Variants in NHSL1 observed in about 807,000 individuals in gnomAD.
NHSL1 encodes the protein NHS-like protein 1.
NHSL1 carries 48 observed loss-of-function variants against 95.0 expected under a neutral mutation model. The ratio of observed to expected loss-of-function variants is 0.51; its 90% confidence interval spans 0.40 to 0.64. NHSL1 has a LOEUF of 0.64. NHSL1 is among the 30% of genes least tolerant of loss of function. The pLI, the probability that NHSL1 is intolerant of heterozygous loss-of-function variation, is 0.00. For missense variants in NHSL1, 1,971 were observed against 2,077.7 expected, an observed-to-expected ratio of 0.95 and a Z score of 1.00; for synonymous variants, 783 against 833.9, an observed-to-expected ratio of 0.94 and a Z score of 1.05.
intron 1 of NHSL1, among the ~76,000 whole-genome samples, chr6:138,542,630 G>GCACTAAA (rs1782627177): frequency 6.6e-6 from 1 of 152,198 alleles, no homozygotes; most frequent in Non-Finnish European, 1.5e-5. Flanking sequence ...GCACTGCAAA[G>GCACTAAA]ATAATTAGTA....
chr6:138,433,360 CA>C lies in NHSL1; in HGVS notation c.984del (p.Gly329GlufsTer22), dbSNP rs1169373331. The C allele has an allele frequency of 6.4e-7, 1 of 1,552,208 alleles. No individual in the cohort carries two copies. On this transcript the variant is annotated frameshift_variant, in exon 6 of 8. Coordinates refer to ENST00000343505, the MANE Select transcript of NHSL1 (RefSeq NM_001144060.2). LOFTEE classifies it high-confidence loss of function. ...AGGGACTGAATGTTTGCCCTTGCTC[CA>C]GAACGCGGAAGACTATGGAAGCCAG... ...SDAGFHSLPR[S>X]GARANIQSLE...
chr6:138,649,999 C>A (rs1248573562), intron 1 of NHSL1, among the ~76,000 whole-genome samples: 5 of 152,196 alleles, frequency 3.3e-5, no homozygotes, highest in Admixed American at 3.3e-4. Flanking sequence ...TTCTCCCAAC[C>A]TTTCCCAGGT....
At chr6:138,437,389 CAT>C (rs71547091) in intron 5 of NHSL1, among the ~76,000 whole-genome samples, 11,761 of 72,936 alleles carry the variant, frequency 0.16, 1,866 homozygotes, top group East Asian at 0.24. Flanking sequence ...TATATATACA[CAT>C]ATATATATAT....
At chr6:138,518,515 C>A (rs552358653) in intron 1 of NHSL1, among the ~76,000 whole-genome samples, 1 of 142,690 alleles carries the variant, frequency 7.0e-6, no homozygotes, top group South Asian at 2.2e-4. Context: ...CAGAGCATTT[C>A]ATGGGTTGTT....
chr6:138,559,686 G>C (rs2114268482), intron 1 of NHSL1, among the ~76,000 whole-genome samples: 1 of 152,234 alleles, frequency 6.6e-6, no homozygotes, highest in Non-Finnish European at 1.5e-5. Context: ...TGATACACAT[G>C]CATAATAACA....
chr6:138,561,695 C>T (rs186087828), intron 1 of NHSL1, among the ~76,000 whole-genome samples: 1 of 152,318 alleles, frequency 6.6e-6, no homozygotes, highest in East Asian at 1.9e-4. Context: ...CCACATGAGG[C>T]ACACGCCCAA....
chr6:138,576,903 T>G (rs1027243577), upstream of NHSL1, among the ~76,000 whole-genome samples: 1 of 152,234 alleles, frequency 6.6e-6, no homozygotes, highest in African/African-American at 2.4e-5. Flanking sequence ...TACTCTATAT[T>G]ACTCTATATA....
intron 1 of NHSL1, among the ~76,000 whole-genome samples, chr6:138,680,466 C>G (rs1489620565): frequency 6.6e-6 from 1 of 152,226 alleles, no homozygotes; most frequent in Non-Finnish European, 1.5e-5. Flanking sequence ...AATTCAAACA[C>G]AGTTCTAGAT....
intron 1 of NHSL1, among the ~76,000 whole-genome samples, chr6:138,553,959 A>C (rs1458041215): frequency 6.6e-6 from 1 of 152,218 alleles, no homozygotes; most frequent in African/African-American, 2.4e-5. Flanking sequence ...TGAAAAAGGA[A>C]GAAAAATATT....
intron 1 of NHSL1, among the ~76,000 whole-genome samples, chr6:138,679,169 A>G (rs983847681): frequency 6.6e-6 from 1 of 152,232 alleles, no homozygotes; most frequent in Non-Finnish European, 1.5e-5. Context: ...CTAAATCTAA[A>G]CAGACCCCAT....
At chr6:138,680,805 C>T (rs1197233381) in intron 1 of NHSL1, among the ~76,000 whole-genome samples, 3 of 152,060 alleles carry the variant, frequency 2.0e-5, no homozygotes, top group Non-Finnish European at 2.9e-5. Flanking sequence ...AATGTAGAGA[C>T]GGGCTTTCAC....
intron 1 of NHSL1, among the ~76,000 whole-genome samples, chr6:138,538,955 G>A (rs1244047801): frequency 3.9e-5 from 6 of 152,086 alleles, no homozygotes; most frequent in Admixed American, 3.9e-4. Flanking sequence ...CCTCCCCCAA[G>A]TTAAACCCAC....
At chr6:138,607,259 C>A (rs1784447246) in intron 1 of NHSL1, among the ~76,000 whole-genome samples, 1 of 152,158 alleles carries the variant, frequency 6.6e-6, no homozygotes, top group Non-Finnish European at 1.5e-5. Context: ...ATGCTGTCAA[C>A]AGAAAGATGA....
At chr6:138,687,415 G>A (rs62432555) in intron 1 of NHSL1, among the ~76,000 whole-genome samples, 20,738 of 152,098 alleles carry the variant, frequency 0.14, 1,571 homozygotes, top group East Asian at 0.37. Flanking sequence ...TTAGGTGAGG[G>A]GACAGTCTGT....
intron 1 of NHSL1, among the ~76,000 whole-genome samples, chr6:138,657,070 C>T (rs1785166412): frequency 6.6e-6 from 1 of 152,104 alleles, no homozygotes; most frequent in South Asian, 2.1e-4. Flanking sequence ...CTAATTTTTC[C>T]CCATAGATAA....
intron 1 of NHSL1, among the ~76,000 whole-genome samples, chr6:138,658,415 A>C (rs1382274037): frequency 1.3e-5 from 2 of 152,196 alleles, no homozygotes; most frequent in Non-Finnish European, 2.9e-5. Flanking sequence ...CTTTTTAAAA[A>C]TTCCACTTAT....
In NHSL1 at chr6:138,422,881, A is replaced by G. The variant is rs900253340; in HGVS notation, c.*1200T>C. Reference sequence around the variant, plus strand: ...CCAATTTTTATCAGTTTATTTGACTAACAAGAGCTATTCAGCATTTTCTTC... The same window carrying G: ...CCAATTTTTATCAGTTTATTTGACTGACAAGAGCTATTCAGCATTTTCTTC... On this transcript the variant is annotated 3_prime_UTR_variant, in exon 8 of 8. Coordinates refer to ENST00000343505, the MANE Select transcript of NHSL1 (RefSeq NM_001144060.2). 2 of 152,188 alleles carry G rather than the reference A, an allele frequency of 1.3e-5. No individual in the cohort carries two copies. The highest frequency in any genetic ancestry group is 2.9e-5 in the Non-Finnish European group (2 of 68,028). The allele number at this position is 152,188 out of a possible 1,614,324, so 9.4% of individuals were successfully genotyped here. A position where few individuals can be genotyped will look rare whatever the true frequency, so the allele number is the denominator to read the frequency against.
chr6:138,633,897 T>C (rs1008553676), intron 1 of NHSL1, among the ~76,000 whole-genome samples: 11 of 152,276 alleles, frequency 7.2e-5, no homozygotes, highest in Admixed American at 5.9e-4. Flanking sequence ...TATAATAAGA[T>C]ATAAATAGAA....
intron 1 of NHSL1, among the ~76,000 whole-genome samples, chr6:138,506,465 A>C (rs983916007): frequency 3.3e-5 from 5 of 152,262 alleles, no homozygotes; most frequent in African/African-American, 1.2e-4. Context: ...ACTTTTAAAA[A>C]TAGGGCTGCC....
Sources: allele counts gnomAD v4.1 joint callset (sites outside exome capture counted in the v4.1 genomes callset), GRCh38; gene constraint gnomAD v4.1.1; transcripts MANE v1.5; gene names NCBI Gene and HGNC (gene_info 2026-07-23, HGNC 2026-07-21).